Variants in SLC9A9 observed in about 807,000 individuals in gnomAD.
SLC9A9 encodes the protein solute carrier family 9 member A9, also known as sodium/hydrogen exchanger 9.
A neutral mutation model predicts 77.8 loss-of-function variants in SLC9A9; 62 were observed. That is an observed-to-expected ratio of 0.80 (90% CI 0.65 to 0.98). SLC9A9 has a LOEUF of 0.98. Ranked by LOEUF, SLC9A9 falls within the 50% of genes least tolerant of loss-of-function variation. The probability of loss-of-function intolerance (pLI) is 0.00; values close to 1 mark genes in which losing one functional copy is unlikely to be tolerated. For synonymous variants in SLC9A9, 320 were observed against 283.5 expected, an observed-to-expected ratio of 1.13 and a Z score of -1.29; for missense variants, 775 against 774.9, an observed-to-expected ratio of 1.00 and a Z score of 0.00.
chr3:143,507,948 T>C (rs1426870632), intron 9 of SLC9A9, among the ~76,000 whole-genome samples: 1 of 152,148 alleles, frequency 6.6e-6, no homozygotes. Flanking sequence ...ATCCCACTAG[T>C]GAGGGCTCCA....
chr3:143,734,343 A>G (rs1934884979), intron 4 of SLC9A9, among the ~76,000 whole-genome samples: 1 of 152,152 alleles, frequency 6.6e-6, no homozygotes, highest in South Asian at 2.1e-4. Context: ...TGACTGATTT[A>G]TGTGTGTGCC....
At chr3:143,449,674 T>A (rs866632148) in intron 12 of SLC9A9, among the ~76,000 whole-genome samples, 4 of 48,430 alleles carry the variant, frequency 8.3e-5, no homozygotes, top group African/African-American at 3.7e-4. Context: ...AATTATATTA[T>A]ATAATTATAT....
chr3:143,323,467 A>C (rs114830716), intron 14 of SLC9A9, among the ~76,000 whole-genome samples: 1 of 152,222 alleles, frequency 6.6e-6, no homozygotes, highest in South Asian at 2.1e-4. Flanking sequence ...TAAGCCAGCC[A>C]CAGAAAGACA....
intron 5 of SLC9A9, among the ~76,000 whole-genome samples, chr3:143,683,621 C>A (rs1933171056): frequency 6.6e-6 from 1 of 152,012 alleles, no homozygotes; most frequent in South Asian, 2.1e-4. Flanking sequence ...TTGGATAGTG[C>A]CGTCACGACA....
intron 12 of SLC9A9, among the ~76,000 whole-genome samples, chr3:143,401,827 A>G (rs1298372647): frequency 6.6e-6 from 1 of 152,242 alleles, no homozygotes; most frequent in East Asian, 1.9e-4. Context: ...GCTCCTGAAC[A>G]GAATCCACTT....
intron 4 of SLC9A9, among the ~76,000 whole-genome samples, chr3:143,791,389 C>A (rs2008219471): frequency 6.6e-6 from 1 of 152,188 alleles, no homozygotes; most frequent in Non-Finnish European, 1.5e-5. Flanking sequence ...TGTAAAGCAT[C>A]TGAGTCCAGC....
At chr3:143,402,455 T>C in intron 12 of SLC9A9, among the ~76,000 whole-genome samples, 1 of 151,462 alleles carries the variant, frequency 6.6e-6, no homozygotes. Flanking sequence ...GTGTTTTTTT[T>C]TTTTTTTTTT....
At chr3:143,606,426 C>A (rs1244889408) in intron 6 of SLC9A9, among the ~76,000 whole-genome samples, 8 of 73,964 alleles carry the variant, frequency 1.1e-4, no homozygotes, top group East Asian at 4.8e-4. Flanking sequence ...CTCTCTCTCT[C>A]TCTCTCTCTC....
chr3:143,494,673 A>C (rs191156486), intron 10 of SLC9A9, among the ~76,000 whole-genome samples: 28 of 152,332 alleles, frequency 1.8e-4, no homozygotes, highest in African/African-American at 5.8e-4. Context: ...ATGGCTCAAC[A>C]TCCTTTCAGA....
chr3:143,669,684 T>C (rs2039128712), intron 5 of SLC9A9, among the ~76,000 whole-genome samples: 1 of 152,226 alleles, frequency 6.6e-6, no homozygotes, highest in Non-Finnish European at 1.5e-5. Context: ...GGTTGGAAAC[T>C]TGACTGTGAT....
chr3:143,320,710 C>T (rs1300178923), intron 14 of SLC9A9, among the ~76,000 whole-genome samples: 1 of 152,220 alleles, frequency 6.6e-6, no homozygotes, highest in Non-Finnish European at 1.5e-5. Context: ...TTGGGAATCG[C>T]ATTTCAACAT....
chr3:143,432,176 T>C (rs529857504), intron 12 of SLC9A9, among the ~76,000 whole-genome samples: 1 of 152,350 alleles, frequency 6.6e-6, no homozygotes, highest in South Asian at 2.1e-4. Context: ...CAGGCATTTT[T>C]GTTTATTTCA....
intron 12 of SLC9A9, among the ~76,000 whole-genome samples, chr3:143,437,289 AT>A (rs749976171): frequency 1.1e-4 from 16 of 152,364 alleles, no homozygotes; most frequent in Non-Finnish European, 2.1e-4. Context: ...TATTTTCTTG[AT>A]TCCTAGTCCC....
At chr3:143,366,634 C>T (rs945317584) in intron 13 of SLC9A9, among the ~76,000 whole-genome samples, 1 of 152,076 alleles carries the variant, frequency 6.6e-6, no homozygotes, top group African/African-American at 2.4e-5. Flanking sequence ...TACTTGAACA[C>T]TTGCCATATG....
At chr3:143,271,972 G>A (rs1937911879) in intron 14 of SLC9A9, among the ~76,000 whole-genome samples, 1 of 152,146 alleles carries the variant, frequency 6.6e-6, no homozygotes, top group South Asian at 2.1e-4. Context: ...ATATTCAGGG[G>A]TGTATGAGAG....
intron 10 of SLC9A9, among the ~76,000 whole-genome samples, chr3:143,495,104 T>C (rs1362762317): frequency 1.3e-5 from 2 of 152,220 alleles, no homozygotes; most frequent in Admixed American, 6.5e-5. Flanking sequence ...ATTTCCCTCT[T>C]TATTTCCACA....
At chr3:143,770,400 G>A (rs2007475726) in intron 4 of SLC9A9, among the ~76,000 whole-genome samples, 1 of 152,208 alleles carries the variant, frequency 6.6e-6, no homozygotes, top group African/African-American at 2.4e-5. Context: ...ATAAATGTGT[G>A]AAGATGGTAT....
intron 8 of SLC9A9, among the ~76,000 whole-genome samples, chr3:143,565,271 C>T (rs187969535): frequency 5.3e-5 from 8 of 152,114 alleles, no homozygotes; most frequent in African/African-American, 1.7e-4. Context: ...ATAAAAAACC[C>T]GGGAATTATC....
At chr3:143,439,046 G>A (rs906729004) in intron 12 of SLC9A9, among the ~76,000 whole-genome samples, 2 of 152,166 alleles carry the variant, frequency 1.3e-5, no homozygotes, top group Non-Finnish European at 2.9e-5. Flanking sequence ...TGCAGGTGAC[G>A]GGGTTATAAA....
Sources: gnomAD v4.1 joint callset for allele counts (sites outside exome capture counted in the v4.1 genomes callset) on GRCh38, gnomAD v4.1.1 for gene constraint, MANE v1.5 for transcripts, NCBI Gene and HGNC (gene_info 2026-07-23, HGNC 2026-07-21) for gene names.